Variants in PACRG observed in about 807,000 individuals in gnomAD.
The protein encoded by PACRG is parkin coregulated gene protein.
A neutral mutation model predicts 29.7 loss-of-function variants in PACRG; 29 were observed. The ratio of observed to expected loss-of-function variants is 0.98; its 90% CI spans 0.73 to 1.33. The LOEUF (loss-of-function observed/expected upper bound fraction) is 1.33, where lower values mean the gene tolerates loss of function less well. Among genes scored for constraint, PACRG ranks in the 40% most tolerant of loss-of-function variants. The pLI, the probability that PACRG is intolerant of heterozygous loss-of-function variation, is 0.00. For synonymous variants in PACRG, 116 were observed against 118.7 expected (o/e 0.98, Z 0.15); for missense variants, 279 against 316.2 (o/e 0.88, Z 0.89).
chr6:163,102,334 G>GTGC lies in PACRG; in HGVS notation c.613+12929_613+12931dup, dbSNP rs534208519. Among the ~76,000 whole-genome samples, 231 of 152,328 alleles carry GTGC rather than the reference G, an allele frequency of 1.5e-3. 1 individual carries two copies. Among genetic ancestry groups the GTGC allele is most frequent in the African/African-American group, 5.4e-3 (225 of 41,562 alleles). The stretch of plus-strand genomic sequence containing the variant: ...TTGAGGTTGCTAAATGGCAAAAAGA[G>GTGC]TGCTGTTTAGGCTTAATGCTCTCTC... On this transcript the variant is annotated intron_variant, in intron 4 of 4. Transcript: ENST00000366888.
At chr6:163,266,880 C>T (rs1183518338) in intron 4 of PACRG, among the ~76,000 whole-genome samples, 1 of 152,134 alleles carries the variant, frequency 6.6e-6, no homozygotes, top group African/African-American at 2.4e-5. Flanking sequence ...CCGGGCAGCA[C>T]CAGTTTTATG....
intron 2 of PACRG, among the ~76,000 whole-genome samples, chr6:163,010,478 G>T (rs1805509960): frequency 1.3e-5 from 2 of 152,242 alleles, no homozygotes; most frequent in East Asian, 3.9e-4. Flanking sequence ...TCATCCATCA[G>T]TGCAGCCCCT....
intron 4 of PACRG, among the ~76,000 whole-genome samples, chr6:163,237,568 A>C (rs750165059): frequency 1.1e-4 from 17 of 152,218 alleles, no homozygotes; most frequent in Non-Finnish European, 2.1e-4. Context: ...TATTCAAAAT[A>C]TAATAATGTC....
chr6:163,100,818 A>G (rs1020241922), intron 4 of PACRG: 1 of 985,202 alleles, frequency 1.0e-6, no homozygotes, highest in Non-Finnish European at 1.2e-6. Context: ...TGGAGTTGAA[A>G]AATGCAATGG....
Position 163,092,425 on chromosome 6 carries a change from T to C in PACRG, c.613+3017T>C, listed in dbSNP as rs527357568. 1.5e-4 allele frequency among the ~76,000 whole-genome samples: 23 copies of C among 152,288 alleles called. No individual in the cohort carries two copies. In the East Asian group the frequency reaches 3.9e-3, roughly 26 times the overall value. ...GGCCCCATCTACACGATCAGAGCAA[T>C]GAAAACTTAGAGCCAGCCCCACTAG... On this transcript the variant is annotated intron_variant, in intron 4 of 4. Transcript: ENST00000366888.
chr6:163,227,062 T>A (rs540748360), intron 4 of PACRG, among the ~76,000 whole-genome samples: 3 of 152,216 alleles, frequency 2.0e-5, no homozygotes, highest in African/African-American at 7.2e-5. Flanking sequence ...TGTAAAAACA[T>A]GACTTCCTGC....
At chr6:163,196,685 G>A (rs9456840) in intron 4 of PACRG, among the ~76,000 whole-genome samples, 2,422 of 152,222 alleles carry the variant, frequency 0.016, 71 homozygotes, top group African/African-American at 0.055. Flanking sequence ...AAGGAAGAGA[G>A]GCCAAGAAAT....
At chr6:162,918,115 T>C (rs1256974361) in intron 2 of PACRG, among the ~76,000 whole-genome samples, 3 of 152,202 alleles carry the variant, frequency 2.0e-5, no homozygotes, top group African/African-American at 7.2e-5. Flanking sequence ...ATTCAATAAA[T>C]TATAAATCAA....
At chr6:162,931,164 A>G (rs1584786054) in intron 2 of PACRG, among the ~76,000 whole-genome samples, 1 of 151,672 alleles carries the variant, frequency 6.6e-6, no homozygotes, top group East Asian at 1.9e-4. Context: ...CCAATTTTTG[A>G]TTGAATTGTT....
chr6:163,129,438 C>G (rs1258153187), intron 4 of PACRG, among the ~76,000 whole-genome samples: 5 of 152,184 alleles, frequency 3.3e-5, no homozygotes, highest in African/African-American at 1.2e-4. Flanking sequence ...AATGAGACTG[C>G]AGCCCTCACC....
At chr6:163,221,155 A>G (rs1270672702) in intron 4 of PACRG, among the ~76,000 whole-genome samples, 1 of 152,232 alleles carries the variant, frequency 6.6e-6, no homozygotes, top group Admixed American at 6.5e-5. Flanking sequence ...GCATTTCATT[A>G]TCTTGGAAGT....
At chr6:162,865,781 T>C (rs978153868) in intron 2 of PACRG, among the ~76,000 whole-genome samples, 1 of 152,102 alleles carries the variant, frequency 6.6e-6, no homozygotes, top group Non-Finnish European at 1.5e-5. Context: ...GAACCTTTAA[T>C]TTACTAGATT....
Position 163,079,876 on chromosome 6 carries a change from A to G in PACRG, c.464-9383A>G, listed in dbSNP as rs532271354. ...CACCTTTTCTCAACCAGAAGAAGAA[A>G]TGTAGCAGTCATTCTTTTTTTTTTT... On this transcript the variant is annotated intron_variant, in intron 3 of 4. Transcript: ENST00000366888. Among the ~76,000 whole-genome samples, 3 of 147,166 alleles carry G rather than the reference A, an allele frequency of 2.0e-5. No individual in the cohort carries two copies. The South Asian group carries it at 6.6e-4, about 33-fold the overall frequency.
At chr6:162,811,492 T>C (rs1786862788) in intron 1 of PACRG, among the ~76,000 whole-genome samples, 1 of 152,040 alleles carries the variant, frequency 6.6e-6, no homozygotes, top group Admixed American at 6.6e-5. Flanking sequence ...ACATTTGTAA[T>C]AGAAAACTCC....
intron 4 of PACRG, among the ~76,000 whole-genome samples, chr6:163,161,971 G>A (rs1369211860): frequency 6.6e-6 from 1 of 152,188 alleles, no homozygotes; most frequent in Non-Finnish European, 1.5e-5. Flanking sequence ...TCTTTTGAGT[G>A]GAACAGACTG....
intron 4 of PACRG, among the ~76,000 whole-genome samples, chr6:163,121,639 A>T (rs1406959110): frequency 6.8e-6 from 1 of 147,632 alleles, no homozygotes; most frequent in African/African-American, 2.5e-5. Context: ...TTTATAGAGC[A>T]TTCATTTCAT....
At chr6:163,241,544 G>A (rs953876340) in intron 4 of PACRG, among the ~76,000 whole-genome samples, 6 of 152,186 alleles carry the variant, frequency 3.9e-5, no homozygotes, top group African/African-American at 1.4e-4. Flanking sequence ...GGGGACCAGG[G>A]TTTTGGAAAA....
At chr6:162,848,088 C>T (rs571114652) in intron 2 of PACRG, among the ~76,000 whole-genome samples, 3 of 152,066 alleles carry the variant, frequency 2.0e-5, no homozygotes, top group Non-Finnish European at 4.4e-5. Flanking sequence ...GAGGGTGCAG[C>T]GGCAGAGTTA....
At chr6:163,256,433 C>T (rs1783107591) in intron 4 of PACRG, among the ~76,000 whole-genome samples, 1 of 152,216 alleles carries the variant, frequency 6.6e-6, no homozygotes, top group South Asian at 2.1e-4. Context: ...TATCATCTAT[C>T]ACATGGTGAT....
Sources: allele counts gnomAD v4.1 joint callset (sites outside exome capture counted in the v4.1 genomes callset), GRCh38; gene constraint gnomAD v4.1.1; transcripts MANE v1.5; gene names NCBI Gene and HGNC (gene_info 2026-07-23, HGNC 2026-07-21).